The following NHEJ1 variants were observed in gnomAD, a reference collection of about 807,000 sequenced individuals.
The protein encoded by NHEJ1 is non-homologous end-joining factor 1.
A neutral mutation model predicts 39.4 loss-of-function variants in NHEJ1; 22 were observed. The observed-to-expected ratio is 0.56, with a 90% confidence interval of 0.40 to 0.80. The LOEUF (loss-of-function observed/expected upper bound fraction) is 0.80. Among genes scored for constraint, NHEJ1 ranks in the 30% least tolerant of loss-of-function variants. NHEJ1 has a pLI of 0.00. For missense variants in NHEJ1, 329 were observed against 357.1 expected (o/e 0.92, Z 0.63); for synonymous variants, 154 against 135.6 (o/e 1.14, Z -0.94).
chr2:219,149,394 T>C (rs952012055), intron 3 of NHEJ1, among the ~76,000 whole-genome samples: 1 of 152,110 alleles, frequency 6.6e-6, no homozygotes, highest in Non-Finnish European at 1.5e-5. Flanking sequence ...CGTTGGAGGA[T>C]TGCTTGAGTC....
Position 219,157,667 on chromosome 2 carries a change from G to A in NHEJ1, c.195C>T (p.Leu65=). The change falls in exon 3 of 8, where the codon CTC becomes CTT. Residue 65 remains leucine, a synonymous_variant. Coordinates refer to ENST00000356853, the MANE Select transcript of NHEJ1 (RefSeq NM_024782.3). ...SQRAKELNKR[L]TAPPAAFLCH... ...AGAGGAAAGCTGCAGGAGGAGCAGT[G>A]AGCCGCTTGTTCAGCTCCTAAAGAG... 1.2e-6 allele frequency: 2 copies of A among 1,613,778 alleles called. No individual in the cohort carries two copies. Among genetic ancestry groups the A allele is most frequent in the Non-Finnish European group, 1.7e-6 (2 of 1,179,858 alleles).
chr2:219,160,336 T>A (rs780048508), intron 1 of NHEJ1, among the ~76,000 whole-genome samples: 2 of 152,098 alleles, frequency 1.3e-5, no homozygotes, highest in Non-Finnish European at 2.9e-5. Context: ...ACCACAACCA[T>A]AGCCCCACCC....
intron 5 of NHEJ1, among the ~76,000 whole-genome samples, chr2:219,122,108 A>G (rs1001546064): frequency 5.9e-5 from 9 of 152,218 alleles, no homozygotes; most frequent in African/African-American, 2.2e-4. Flanking sequence ...ACTAGACCAC[A>G]GGGGAACCAT....
Position 219,071,901 on chromosome 2 carries a change from AG to A in NHEJ1, c.*4479del, listed in dbSNP as rs142674887. Among the ~76,000 whole-genome samples the A allele has an allele frequency of 6.8e-3, 1,037 of 152,348 alleles. 12 individuals are homozygous for A. The highest frequency in any genetic ancestry group is 0.024 in the African/African-American group (994 of 41,564). On this transcript the variant is annotated 3_prime_UTR_variant, in exon 8 of 8. Transcript: ENST00000356853. ...TGAGTGGGGTGGGACTTAATAGCTC[AG>A]AAGAGTGATGAAGCCTTTGCTAGAA...
At chr2:219,089,091 T>G (rs1351223689) in intron 5 of NHEJ1, among the ~76,000 whole-genome samples, 1 of 152,220 alleles carries the variant, frequency 6.6e-6, no homozygotes, top group Non-Finnish European at 1.5e-5. Flanking sequence ...AGTGCTCGGA[T>G]TACAGGCATG....
chr2:219,115,887 C>T (rs755793113), intron 5 of NHEJ1, among the ~76,000 whole-genome samples: 5 of 152,046 alleles, frequency 3.3e-5, no homozygotes, highest in Admixed American at 2.6e-4. Context: ...TTTGGGAGGC[C>T]GAGGCGGGCA....
chr2:219,154,928 AATATAAC>A (rs1949837436), intron 3 of NHEJ1, among the ~76,000 whole-genome samples: 1 of 147,504 alleles, frequency 6.8e-6, no homozygotes, highest in Non-Finnish European at 1.5e-5. Context: ...AATATAGATT[AATATAAC>A]ATATAATATA....
chr2:219,110,909 C>A (rs1167225738), intron 5 of NHEJ1, among the ~76,000 whole-genome samples: 1 of 152,126 alleles, frequency 6.6e-6, no homozygotes, highest in Non-Finnish European at 1.5e-5. Flanking sequence ...GGAGTCTGGG[C>A]TGACTGCATG....
intron 5 of NHEJ1, among the ~76,000 whole-genome samples, chr2:219,129,996 T>C (rs1949562768): frequency 6.6e-6 from 1 of 150,478 alleles, no homozygotes; most frequent in African/African-American, 2.4e-5. Flanking sequence ...TCTTTCTCCC[T>C]CTCTCAGTTC....
chr2:219,135,811 CTT>C (rs943395556), intron 5 of NHEJ1, among the ~76,000 whole-genome samples: 2 of 152,136 alleles, frequency 1.3e-5, no homozygotes, highest in Non-Finnish European at 2.9e-5. Flanking sequence ...GATCCTGTCT[CTT>C]TTAGAAAACA....
At chr2:219,076,795 C>T (rs77001164) in intron 7 of NHEJ1, among the ~76,000 whole-genome samples, 2,456 of 152,268 alleles carry the variant, frequency 0.016, 70 homozygotes, top group African/African-American at 0.056. Context: ...CCTGCCTTGG[C>T]CTCCCACAGG....
chr2:219,137,860 C>A (rs745327338), intron 5 of NHEJ1, among the ~76,000 whole-genome samples: 2 of 152,136 alleles, frequency 1.3e-5, no homozygotes, highest in Non-Finnish European at 1.5e-5. Context: ...ACTACTATGG[C>A]CCTTATTATC....
chr2:219,100,673 C>T (rs1209835061), intron 5 of NHEJ1, among the ~76,000 whole-genome samples: 2 of 150,578 alleles, frequency 1.3e-5, no homozygotes, highest in Non-Finnish European at 2.9e-5. Flanking sequence ...TGATCTAGTG[C>T]TTATACACGC....
chr2:219,128,486 T>C (rs913675491), intron 5 of NHEJ1, among the ~76,000 whole-genome samples: 8 of 152,036 alleles, frequency 5.3e-5, no homozygotes, highest in African/African-American at 1.9e-4. Flanking sequence ...CAATAGATAG[T>C]GAATCTGCTA....
At chr2:219,116,081 T>C (rs181674833) in intron 5 of NHEJ1, among the ~76,000 whole-genome samples, 1 of 152,064 alleles carries the variant, frequency 6.6e-6, no homozygotes. Flanking sequence ...GATCATACCA[T>C]TGCACTCCAG....
chr2:219,078,114 T>C lies in NHEJ1; in HGVS notation c.681A>G (p.Gln227=), dbSNP rs1949031096. 3 of 1,614,166 alleles carry C rather than the reference T, an allele frequency of 1.9e-6. No individual in the cohort carries two copies. Among genetic ancestry groups the C allele is most frequent in the East Asian group, 4.5e-5 (2 of 44,888 alleles). The change falls in exon 6 of 8, where the codon CAA becomes CAG. Residue 227 remains glutamine (Q), a synonymous_variant. Transcript: ENST00000356853. ...CAGCGCCTTGATGCTTCTGTCCCAC[T>C]TGGACCTCTTGTGTGGTGACTGCCA... ...LYMAVTTQEV[Q]VGQKHQGAGD... is the part of the protein sequence containing the mutation.
intron 5 of NHEJ1, among the ~76,000 whole-genome samples, chr2:219,113,364 T>G (rs1251467660): frequency 1.3e-5 from 2 of 151,990 alleles, no homozygotes; most frequent in Non-Finnish European, 2.9e-5. Context: ...GAGGGAGAGA[T>G]GGACAGGAAT....
At chr2:219,092,430 A>G (rs921672843) in intron 5 of NHEJ1, among the ~76,000 whole-genome samples, 4 of 152,216 alleles carry the variant, frequency 2.6e-5, no homozygotes, top group Non-Finnish European at 5.9e-5. Flanking sequence ...TCTAGCAATG[A>G]GTCTAATAAC....
At chr2:219,126,005 G>A (rs1170845426) in intron 5 of NHEJ1, among the ~76,000 whole-genome samples, 6 of 152,198 alleles carry the variant, frequency 3.9e-5, no homozygotes, top group Admixed American at 2.6e-4. Flanking sequence ...CTGTTTCTTA[G>A]ATCCTTCTCC....
Sources: allele counts gnomAD v4.1 joint callset (sites outside exome capture counted in the v4.1 genomes callset), GRCh38; gene constraint gnomAD v4.1.1; transcripts MANE v1.5; gene names NCBI Gene and HGNC (gene_info 2026-07-23, HGNC 2026-07-21).